Variants in MICU1 observed in about 807,000 individuals in gnomAD.
MICU1 encodes mitochondrial calcium uptake 1.
A neutral mutation model predicts 56.8 loss-of-function variants in MICU1; 45 were observed. The ratio of observed to expected loss-of-function variants is 0.79; its 90% CI spans 0.62 to 1.02. The LOEUF (loss-of-function observed/expected upper bound fraction) is 1.02, where lower values mean the gene tolerates loss of function less well. MICU1 is among the 50% of genes least tolerant of loss of function. The probability of loss-of-function intolerance (pLI) is 0.00; values close to 1 mark genes in which losing one functional copy is unlikely to be tolerated. For synonymous variants in MICU1, 186 were observed against 195.1 expected (o/e 0.95, Z 0.39); for missense variants, 504 against 587.1 (o/e 0.86, Z 1.46).
At chr10:72,495,866 T>C (rs1484264563) in intron 6 of MICU1, among the ~76,000 whole-genome samples, 1 of 152,142 alleles carries the variant, frequency 6.6e-6, no homozygotes, top group Non-Finnish European at 1.5e-5. Context: ...AGAAAATAAC[T>C]GGTCCCTTAA....
chr10:72,453,888 T>C (rs182198033), intron 8 of MICU1, among the ~76,000 whole-genome samples: 1 of 151,652 alleles, frequency 6.6e-6, no homozygotes, highest in Non-Finnish European at 1.5e-5. Flanking sequence ...CAGGCTGGAG[T>C]GCAGTGGCGT....
chr10:72,529,779 C>T (rs1451033440), intron 5 of MICU1, among the ~76,000 whole-genome samples: 1 of 151,774 alleles, frequency 6.6e-6, no homozygotes, highest in Non-Finnish European at 1.5e-5. Context: ...AAAGCCTCCA[C>T]TTAGAAATAA....
At chr10:72,575,725 C>T (rs776250583) in intron 1 of MICU1, among the ~76,000 whole-genome samples, 7 of 152,136 alleles carry the variant, frequency 4.6e-5, no homozygotes, top group South Asian at 2.1e-4. Context: ...AGATGGCAAA[C>T]GTAATTGGTA....
intron 1 of MICU1, among the ~76,000 whole-genome samples, chr10:72,570,595 T>C (rs76016782): frequency 0.021 from 3,259 of 152,294 alleles, 117 homozygotes; most frequent in African/African-American, 0.075. Context: ...CTGGGACCTA[T>C]ACCTATAATC....
At chr10:72,587,199 T>G (rs1381687429) in intron 1 of MICU1, among the ~76,000 whole-genome samples, 5 of 152,088 alleles carry the variant, frequency 3.3e-5, no homozygotes. Context: ...GAAAATACTC[T>G]TTATCAAAAG....
intron 5 of MICU1, among the ~76,000 whole-genome samples, chr10:72,521,234 G>C (rs765994687): frequency 3.9e-5 from 6 of 152,148 alleles, no homozygotes; most frequent in Non-Finnish European, 1.5e-5. Flanking sequence ...TTCACTCTGA[G>C]GATCACCGTT....
intron 9 of MICU1, among the ~76,000 whole-genome samples, chr10:72,420,737 T>C (rs1460414635): frequency 6.6e-6 from 1 of 151,724 alleles, no homozygotes; most frequent in African/African-American, 2.4e-5. Flanking sequence ...TGCAGTAGCA[T>C]GATCATAGCT....
rs1336495069 is a variant in MICU1 at position 72,532,600 on chromosome 10, C to T, written c.537+1146G>A. ...CTTTACCATAGATAAAGCAGAGACACCAAGGATCAGAGAAAAGATGAAGCT... is the reference window on the plus strand; with the variant it reads ...CTTTACCATAGATAAAGCAGAGACATCAAGGATCAGAGAAAAGATGAAGCT... On this transcript the variant is annotated intron_variant, in intron 5 of 11. Transcript: ENST00000361114. Among the ~76,000 whole-genome samples, 3 of 152,180 alleles carry T rather than the reference C, an allele frequency of 2.0e-5. No individual in the cohort carries two copies. The East Asian group carries it at 5.8e-4, about 29-fold the overall frequency.
At chr10:72,445,380 A>T (rs1324674198) in intron 8 of MICU1, among the ~76,000 whole-genome samples, 1 of 152,204 alleles carries the variant, frequency 6.6e-6, no homozygotes, top group Non-Finnish European at 1.5e-5. Flanking sequence ...AGATGTCTGA[A>T]AATCATTATA....
chr10:72,472,444 G>A (rs1017462062), intron 8 of MICU1, among the ~76,000 whole-genome samples: 3 of 152,118 alleles, frequency 2.0e-5, no homozygotes, highest in African/African-American at 7.2e-5. Context: ...ACCCTTTGAA[G>A]TCTAAGCACT....
intron 8 of MICU1, among the ~76,000 whole-genome samples, chr10:72,444,594 C>T (rs777061959): frequency 9.2e-5 from 14 of 152,024 alleles, no homozygotes; most frequent in South Asian, 4.2e-4. Context: ...GGATTACAGG[C>T]GTGCACCACC....
intron 1 of MICU1, among the ~76,000 whole-genome samples, chr10:72,586,005 T>TTCTTTTTC (rs1841043420): frequency 8.2e-6 from 1 of 121,988 alleles, no homozygotes; most frequent in Non-Finnish European, 1.7e-5. Context: ...TTTTTTCTTT[T>TTCTTTTTC]TTTTTTTCTT....
chr10:72,442,429 C>T (rs993095063), intron 8 of MICU1, among the ~76,000 whole-genome samples: 2 of 152,160 alleles, frequency 1.3e-5, no homozygotes, highest in South Asian at 4.1e-4. Flanking sequence ...CAAGCGTGAG[C>T]CACCACGCCT....
chr10:72,393,558 AC>A (rs1426458937), intron 10 of MICU1, among the ~76,000 whole-genome samples: 1 of 152,142 alleles, frequency 6.6e-6, no homozygotes, highest in African/African-American at 2.4e-5. Flanking sequence ...TGGGAAAAAA[AC>A]GATATTTTAT....
intron 4 of MICU1, among the ~76,000 whole-genome samples, 190 bp from the exon 5 acceptor site, chr10:72,533,979 T>C (rs963106212): frequency 6.6e-6 from 1 of 152,120 alleles, no homozygotes; most frequent in Admixed American, 6.6e-5. Flanking sequence ...ACCAACCCTT[T>C]TATTTTACAT....
At chr10:72,465,703 AG>A in intron 8 of MICU1, among the ~76,000 whole-genome samples, 1 of 151,776 alleles carries the variant, frequency 6.6e-6, no homozygotes, top group South Asian at 2.1e-4. Context: ...TAGTAAAGAC[AG>A]GGTTACACCA....
intron 11 of MICU1, among the ~76,000 whole-genome samples, chr10:72,374,591 A>C (rs907329537): frequency 2.0e-5 from 3 of 152,142 alleles, no homozygotes; most frequent in Non-Finnish European, 4.4e-5. Context: ...GTTAAGGAAT[A>C]AAAAAGCCCA....
intron 5 of MICU1, among the ~76,000 whole-genome samples, chr10:72,509,019 G>T (rs548962748): frequency 1.3e-5 from 2 of 152,108 alleles, no homozygotes; most frequent in Non-Finnish European, 2.9e-5. Context: ...CTCAGCTTTG[G>T]TAATTGTCTG....
At chr10:72,583,260 A>C (rs932679445) in intron 1 of MICU1, among the ~76,000 whole-genome samples, 4 of 149,828 alleles carry the variant, frequency 2.7e-5, no homozygotes, top group African/African-American at 5.0e-5. Flanking sequence ...ACTATTCTTC[A>C]CAAAATAGTT....
Sources: gnomAD v4.1 joint callset for allele counts (sites outside exome capture counted in the v4.1 genomes callset) on GRCh38, gnomAD v4.1.1 for gene constraint, MANE v1.5 for transcripts, NCBI Gene and HGNC (gene_info 2026-07-23, HGNC 2026-07-21) for gene names.